Variants in CUL7 observed in about 807,000 individuals in gnomAD.
CUL7 encodes the protein cullin-7.
In CUL7, 96 loss-of-function variants were observed where a neutral mutation model predicts 177.7. The ratio of observed to expected loss-of-function variants is 0.54; its 90% CI spans 0.46 to 0.64. CUL7 has a LOEUF of 0.64. Ranked by LOEUF, CUL7 falls within the 30% of genes least tolerant of loss-of-function variation. The probability of loss-of-function intolerance (pLI) is 0.00; values close to 1 mark genes in which losing one functional copy is unlikely to be tolerated. For missense variants in CUL7, 1,893 were observed against 2,187.9 expected (o/e 0.87, Z 2.69); for synonymous variants, 824 against 890.2 (o/e 0.93, Z 1.32).
chr6:43,053,227 G>A lies in CUL7; in HGVS notation c.-9+395C>T, dbSNP rs188384746. On this transcript the variant is annotated intron_variant, in intron 1 of 25. Coordinates refer to ENST00000265348, the MANE Select transcript of CUL7 (RefSeq NM_014780.5). The surrounding 1 kb of genome is among the most constrained non-coding windows in gnomAD (Gnocchi z 4.1). The stretch of plus-strand genomic sequence containing the variant: ...GTGCTGTCTCTAAGGATTGGAGCAT[G>A]GGAGTGCGAGACCCAAGTTAAGAGT... 5.8e-4 allele frequency among the ~76,000 whole-genome samples: 89 copies of A among 152,254 alleles called. No individual in the cohort carries two copies. Among genetic ancestry groups the A allele is most frequent in the African/African-American group, 2.1e-3 (86 of 41,538 alleles).
intron 16 of CUL7, among the ~76,000 whole-genome samples, chr6:43,044,545 C>T (rs1205346891): frequency 6.6e-6 from 1 of 151,908 alleles, no homozygotes; most frequent in Non-Finnish European, 1.5e-5. Context: ...AACAAGGCAC[C>T]TCCAGCACTT....
At chr6:43,041,698 G>A (rs1763430124) in intron 19 of CUL7, among the ~76,000 whole-genome samples, 1 of 148,056 alleles carries the variant, frequency 6.8e-6, no homozygotes, top group South Asian at 2.1e-4. Context: ...GAAGGGAAGG[G>A]AAGGGGAAGG....
At position 43,042,835 on chromosome 6, in the gene CUL7, G is replaced by C; in HGVS notation, c.3612C>G (p.Ala1204=). 6.2e-7 allele frequency: 1 copy of C among 1,613,618 alleles called. No homozygotes were observed. Among genetic ancestry groups the C allele is most frequent in the Non-Finnish European group, 8.5e-7 (1 of 1,179,656 alleles). The change falls in exon 19 of 26, where the codon GCC becomes GCG. Residue 1204 remains alanine, a synonymous_variant. Coordinates refer to ENST00000265348, the MANE Select transcript of CUL7 (RefSeq NM_014780.5). ...CTTTGAGAAAAGGGAGCTTCAGCAA[G>C]GCTCCCGCACAGCCATTTTGCAGCG... The part of the protein sequence containing the change: ...LLALQNGCAG[A]LLKLPFLKAA...
At position 43,046,024 on chromosome 6, in the gene CUL7, C is replaced by T. The variant is rs1440203784; in HGVS notation, c.2728G>A (p.Gly910Ser). The change falls in exon 13 of 26, where the codon GGT becomes AGT. Residue 910 changes from glycine (G) to serine (S), a missense_variant. Gly to Ser is a moderately conservative substitution (Grantham distance 56, BLOSUM62 0). Transcript: ENST00000265348. ...YMPARVVVCG[G>S]DSTSSLHTEL... Reference sequence around the variant, plus strand: ...GTGTGAAGAGAGCTAGTGCTATCACCCCCGCACACCACCACTCGGGCCGGC... The same window carrying T: ...GTGTGAAGAGAGCTAGTGCTATCACTCCCGCACACCACCACTCGGGCCGGC... The T allele has an allele frequency of 6.2e-7, 1 of 1,614,068 alleles. No homozygotes were observed. Among genetic ancestry groups the T allele is most frequent in the African/African-American group, 1.3e-5 (1 of 75,002 alleles).
Position 43,038,661 on chromosome 6 carries a change from G to A in CUL7, c.4472C>T (p.Ser1491Leu). Residue 1491 changes from serine (S) to leucine (L), a missense_variant, in exon 24 of 26, where the codon TCA becomes TTA. Ser to Leu is a moderately radical substitution (Grantham distance 145). Transcript: ENST00000265348. The part of the protein sequence containing the change: ...AVSVESLLAF[S>L]GLSADMLNQA... ...ATTGAGCATGTCTGCGGAGAGCCCT[G>A]AGAACGCCAGCAGACTCTCCACAGA... The A allele has an allele frequency of 6.2e-7, 1 of 1,614,088 alleles. No homozygotes were observed.
rs753293466 is a variant in CUL7, at chr6:43,042,993, A to T, written c.3463-9T>A. ...GTCAGAAAATTGTTCACCTGGAAGGAAGGGGCAGGAGCATGAAGACACAAC... is the reference window on the plus strand; with the variant it reads ...GTCAGAAAATTGTTCACCTGGAAGGTAGGGGCAGGAGCATGAAGACACAAC... On this transcript the variant is annotated splice_polypyrimidine_tract_variant and intron_variant, in intron 18 of 25. Transcript: ENST00000265348. The T allele has an allele frequency of 6.2e-7, 1 of 1,614,172 alleles. No homozygotes were observed. Among genetic ancestry groups the T allele is most frequent in the South Asian group, 1.1e-5 (1 of 91,080 alleles).
Position 43,048,542 on chromosome 6 carries a change from T to A in CUL7, c.1853A>T (p.Asn618Ile). 6.2e-7 allele frequency: 1 copy of A among 1,614,038 alleles called. No homozygotes were observed. The highest frequency in any genetic ancestry group is 8.5e-7 in the Non-Finnish European group (1 of 1,179,958). ...CTCCACCAGACGCTGCAGGGGAGTG[T>A]TGGGACTCTGAGATGGGGGTTCTTT... ...EAKEPPSQSP[N>I]TPLQRLVEGY... The change falls in exon 8 of 26, where the codon AAC becomes ATC. Residue 618 changes from asparagine (N) to isoleucine (I), a missense_variant. By Grantham distance (149) the Asn-to-Ile change is moderately radical (BLOSUM62 -3). Transcript: ENST00000265348.
Position 43,051,324 on chromosome 6 carries a change from CCA to C in CUL7, c.875_876del (p.Leu292ArgfsTer70). On this transcript the variant is annotated frameshift_variant, in exon 4 of 26. Coordinates refer to ENST00000265348, the MANE Select transcript of CUL7 (RefSeq NM_014780.5). LOFTEE classifies it high-confidence loss of function. The surrounding 1 kb of genome is among the most constrained non-coding windows in gnomAD (Gnocchi z 5.0). ...PEELSGERGQ[L>X]ELEFSMAMGT... ...CCCATGGCCATACTGAACTCCAGCT[CCA>C]GTTGACCCCTCTCCCCACTCAACTC... The C allele has an allele frequency of 6.2e-7, 1 of 1,610,520 alleles. No individual in the cohort carries two copies. Among genetic ancestry groups the C allele is most frequent in the Non-Finnish European group, 8.5e-7 (1 of 1,177,528 alleles).
At chr6:43,049,374 T>C in intron 7 of CUL7, 33 bp downstream of exon 7, 1 of 1,613,948 alleles carries the variant, frequency 6.2e-7, no homozygotes, top group Non-Finnish European at 8.5e-7. Flanking sequence ...GCCCTGAAGG[T>C]GTGTCAGCTC....
chr6:43,047,885 G>A (rs1764048556), intron 9 of CUL7: 1 of 536,898 alleles, frequency 1.9e-6, no homozygotes, highest in Non-Finnish European at 3.3e-6. Context: ...ACCAGTAAGG[G>A]GTGTGTGGGG....
Position 43,050,494 on chromosome 6 carries a change from ACCTGG to A in CUL7, c.1234-101_1234-97del. On this transcript the variant is annotated intron_variant, in intron 4 of 25. Coordinates refer to ENST00000265348, the MANE Select transcript of CUL7 (RefSeq NM_014780.5). This position sits in a 1 kb window ranked among gnomAD's most constrained non-coding sequence, Gnocchi z 4.1. Reference sequence around the variant, plus strand: ...GAGGACTATAGCCCTCAGGGTGACCACCTGGCCAGGTTTTAGAAAAACCTCCACAT... The same window carrying A: ...GAGGACTATAGCCCTCAGGGTGACCACCAGGTTTTAGAAAAACCTCCACAT... 1 of 1,449,856 alleles carries A rather than the reference ACCTGG, an allele frequency of 6.9e-7. No homozygotes were observed. Among genetic ancestry groups the A allele is most frequent in the Non-Finnish European group, 9.5e-7 (1 of 1,051,084 alleles). 89.8% of individuals were successfully genotyped at this position (1,449,856 alleles called of 1,614,324 possible). A position where few individuals can be genotyped will look rare whatever the true frequency, so the allele number is the denominator to read the frequency against.
At position 43,053,559 on chromosome 6, in the gene CUL7, G is replaced by A. The variant is rs1764639804; in HGVS notation, c.-9+63C>T. 2 of 1,150,874 alleles carry A rather than the reference G, an allele frequency of 1.7e-6. No homozygotes were observed. The highest frequency in any genetic ancestry group is 2.3e-6 in the Non-Finnish European group (2 of 881,046). The allele number at this position is 1,150,874 out of a possible 1,614,324, so 71.3% of individuals were successfully genotyped here. A position where few individuals can be genotyped will look rare whatever the true frequency, so the allele number is the denominator to read the frequency against. ...ATGGGGACCGAGGTTGGGTGAGCGC[G>A]AGGCTCGATGGGCTAGTGGGCAGGG... On this transcript the variant is annotated intron_variant, in intron 1 of 25. Transcript: ENST00000265348. The surrounding 1 kb of genome is among the most constrained non-coding windows in gnomAD (Gnocchi z 4.1).
rs772530762 is a variant in CUL7, at chr6:43,046,971, G to C, written c.2306C>G (p.Ala769Gly). 6.2e-7 allele frequency: 1 copy of C among 1,613,332 alleles called. No individual in the cohort carries two copies. The change falls in exon 10 of 26, where the codon GCT (alanine) becomes GGT (glycine). Residue 769 changes from alanine (A) to glycine (G), a missense_variant. Ala to Gly is a moderately conservative substitution (Grantham distance 60, BLOSUM62 0). Around this residue, in one of 5 missense-constraint regions of CUL7, gnomAD observed 973 missense variants for 1,140.9 expected, o/e 0.85. Coordinates refer to ENST00000265348, the MANE Select transcript of CUL7 (RefSeq NM_014780.5). Reference protein sequence around the residue: ...LEKHLGKLELAQELRDMVFKC... With the variant: ...LEKHLGKLELGQELRDMVFKC... ...GAACACCATGTCCCGCAGCTCCTGA[G>C]CCAGCTCCAGCTTTCCCAGGTGCTT... is the stretch of plus-strand genomic sequence containing the variant.
At position 43,045,791 on chromosome 6, in the gene CUL7, G is replaced by C; in HGVS notation, c.2767-109C>G. The C allele has an allele frequency of 7.5e-7, 1 of 1,326,184 alleles. No homozygotes were observed. 82.2% of individuals were successfully genotyped at this position (1,326,184 alleles called of 1,614,324 possible). ...CCCTTCCCCAGCCCTGGGATGTGTA[G>C]GGTCCTGACAAAGCTGTCCTCATGC... is the stretch of plus-strand genomic sequence containing the variant. On this transcript the variant is annotated intron_variant, in intron 13 of 25. Transcript: ENST00000265348. This position sits in a 1 kb window ranked among gnomAD's most constrained non-coding sequence, Gnocchi z 4.8.
chr6:43,038,336 G>A lies in CUL7; in HGVS notation c.4704C>T (p.Asn1568=). The A allele has an allele frequency of 6.2e-7, 1 of 1,614,194 alleles. No homozygotes were observed. Among genetic ancestry groups the A allele is most frequent in the Non-Finnish European group, 8.5e-7 (1 of 1,180,048 alleles). ...QNLEKRRNLL[N]CLIVRILKAH... ...CCTTGAGGATTCGGACGATGAGGCA[G>A]TTCAGAAGATTCCGTCTCTTCTCCA... The change falls in exon 25 of 26, where the codon AAC becomes AAT. Residue 1568 remains asparagine, a synonymous_variant. Coordinates refer to ENST00000265348, the MANE Select transcript of CUL7 (RefSeq NM_014780.5).
In CUL7 at chr6:43,040,857, G is replaced by A. The variant is rs1005344568; in HGVS notation, c.3806+58C>T. ...TCCCAGACTTCCAGGCCCATGAGCT[G>A]GCTCTGCCACCATCATCCTGCCTCC... On this transcript the variant is annotated intron_variant, in intron 20 of 25. Transcript: ENST00000265348. The surrounding 1 kb of genome is among the most constrained non-coding windows in gnomAD (Gnocchi z 4.2). 1.8e-5 allele frequency: 29 copies of A among 1,604,276 alleles called. No individual in the cohort carries two copies. The highest frequency in any genetic ancestry group is 2.3e-5 in the Non-Finnish European group (27 of 1,173,046).
chr6:43,049,792 G>A, intron 6 of CUL7, 130 bp from the exon 7 acceptor site: 2 of 1,422,758 alleles, frequency 1.4e-6, no homozygotes, highest in Non-Finnish European at 2.0e-6. Flanking sequence ...CTGGCAGCTG[G>A]CTCCTCCCAA....
Position 43,045,024 on chromosome 6 carries a change from A to C in CUL7, c.3039-139T>G, listed in dbSNP as rs1763770791. 3 of 1,387,094 alleles carry C rather than the reference A, an allele frequency of 2.2e-6. No homozygotes were observed. The South Asian group carries it at 3.9e-5, about 18-fold the overall frequency. The allele number at this position is 1,387,094 out of a possible 1,614,324, so 85.9% of individuals were successfully genotyped here. ...GGTACTTCAGAACTGCTCTGTGCTA[A>C]CTGGTATATCCCATTCCCAGCCCAC... is the stretch of plus-strand genomic sequence containing the variant. On this transcript the variant is annotated intron_variant, in intron 15 of 25. Transcript: ENST00000265348. This position sits in a 1 kb window ranked among gnomAD's most constrained non-coding sequence, Gnocchi z 4.8.
Position 43,052,740 on chromosome 6 carries a change from C to T in CUL7, c.49G>A (p.Gly17Ser), listed in dbSNP as rs1764531739. ...AGCTCATCAGGATAGGCATGTAAGC[C>T]GGGCCCCAGGGGCACCCTGAATTCC... ...YREFRVPLGPGLHAYPDELIR... is the reference protein window; with the variant it reads ...YREFRVPLGPSLHAYPDELIR... Residue 17 changes from glycine to serine, a missense_variant, in exon 2 of 26, where the codon GGC (glycine) becomes AGC (serine). Transcript: ENST00000265348. This position sits in a 1 kb window ranked among gnomAD's most constrained non-coding sequence, Gnocchi z 4.5. 7.4e-6 allele frequency: 12 copies of T among 1,611,072 alleles called. No individual in the cohort carries two copies. Among genetic ancestry groups the T allele is most frequent in the Admixed American group, 5.0e-5 (3 of 60,014 alleles).
Sources: allele counts gnomAD v4.1 joint callset (sites outside exome capture counted in the v4.1 genomes callset), GRCh38; gene constraint gnomAD v4.1.1; regional missense constraint gnomAD v4.1.1; non-coding constraint Gnocchi (gnomAD v3.1); transcripts MANE v1.5; gene names NCBI Gene and HGNC (gene_info 2026-07-23, HGNC 2026-07-21).